Variants in SPAG16 observed in about 807,000 individuals in gnomAD.
The protein encoded by SPAG16 is sperm associated antigen 16.
In SPAG16, 86 loss-of-function variants were observed where a neutral mutation model predicts 80.4. That is an observed-to-expected ratio of 1.07 (90% CI 0.90 to 1.28). The LOEUF (loss-of-function observed/expected upper bound fraction) is 1.28. Among genes scored for constraint, SPAG16 ranks in the 50% most tolerant of loss-of-function variants. The pLI, the probability that SPAG16 is intolerant of heterozygous loss-of-function variation, is 0.00. For synonymous variants in SPAG16, 294 were observed against 265.9 expected, an observed-to-expected ratio of 1.11 and a Z score of -1.03; for missense variants, 870 against 765.3, an observed-to-expected ratio of 1.14 and a Z score of -1.61.
At chr2:214,029,539 T>C (rs949865439) in intron 13 of SPAG16, among the ~76,000 whole-genome samples, 8 of 152,044 alleles carry the variant, frequency 5.3e-5, no homozygotes, top group Non-Finnish European at 1.2e-4. Flanking sequence ...CTGATCCATC[T>C]ATGCAAAAGA....
At chr2:214,208,898 A>G (rs561497451) in intron 15 of SPAG16, among the ~76,000 whole-genome samples, 6 of 152,174 alleles carry the variant, frequency 3.9e-5, no homozygotes, top group Non-Finnish European at 8.8e-5. Context: ...AAATAATTAC[A>G]TCATTGCATG....
chr2:213,420,501 T>G (rs1189429987), intron 9 of SPAG16, among the ~76,000 whole-genome samples: 2 of 152,362 alleles, frequency 1.3e-5, no homozygotes, highest in South Asian at 2.1e-4. Flanking sequence ...ATACACACTT[T>G]CACTCTGAAA....
chr2:213,952,481 G>A (rs2079841046), intron 12 of SPAG16, among the ~76,000 whole-genome samples: 1 of 152,080 alleles, frequency 6.6e-6, no homozygotes, highest in South Asian at 2.1e-4. Context: ...TGCTGAAAAT[G>A]TACATGCTAA....
intron 9 of SPAG16, among the ~76,000 whole-genome samples, chr2:213,389,079 A>G (rs1307288261): frequency 1.3e-5 from 2 of 152,196 alleles, no homozygotes. Context: ...CATATAGACC[A>G]ATGGAATAGA....
intron 15 of SPAG16, among the ~76,000 whole-genome samples, chr2:214,300,997 C>A (rs1054542919): frequency 6.8e-6 from 1 of 147,810 alleles, no homozygotes; most frequent in Non-Finnish European, 1.5e-5. Flanking sequence ...AACACAGATG[C>A]GAAAATTCTC....
chr2:213,723,016 A>G (rs551085598), intron 10 of SPAG16, among the ~76,000 whole-genome samples: 2 of 152,256 alleles, frequency 1.3e-5, no homozygotes, highest in East Asian at 1.9e-4. Context: ...AAGTTTCCAC[A>G]TGAATTTTGA....
chr2:214,249,541 T>A (rs978162205), intron 15 of SPAG16, among the ~76,000 whole-genome samples: 4 of 152,098 alleles, frequency 2.6e-5, no homozygotes, highest in African/African-American at 9.7e-5. Context: ...ACAAATTCAT[T>A]TAACTAGTAA....
At chr2:213,838,453 G>A (rs1013041449) in intron 10 of SPAG16, among the ~76,000 whole-genome samples, 2 of 152,160 alleles carry the variant, frequency 1.3e-5, no homozygotes, top group Non-Finnish European at 2.9e-5. Context: ...GATTACAGGC[G>A]TGAGCCACTG....
At chr2:213,889,036 C>T (rs934152909) in intron 11 of SPAG16, among the ~76,000 whole-genome samples, 3 of 151,676 alleles carry the variant, frequency 2.0e-5, no homozygotes, top group African/African-American at 4.8e-5. Context: ...ATTAAAAAAC[C>T]TTTAAGGGAT....
intron 9 of SPAG16, among the ~76,000 whole-genome samples, chr2:213,433,720 T>C (rs2070441774): frequency 6.6e-6 from 1 of 152,072 alleles, no homozygotes; most frequent in Non-Finnish European, 1.5e-5. Flanking sequence ...AATACCAATG[T>C]CATTATAAAG....
At chr2:213,758,559 A>T (rs2068471248) in intron 10 of SPAG16, among the ~76,000 whole-genome samples, 1 of 152,142 alleles carries the variant, frequency 6.6e-6, no homozygotes, top group African/African-American at 2.4e-5. Context: ...TTAAATAAAA[A>T]ATTTACTAGA....
chr2:213,959,069 G>C (rs2044288228), intron 12 of SPAG16, among the ~76,000 whole-genome samples: 1 of 152,142 alleles, frequency 6.6e-6, no homozygotes, highest in Admixed American at 6.6e-5. Context: ...TTAGCTCTTT[G>C]AATATTTTGC....
intron 9 of SPAG16, among the ~76,000 whole-genome samples, chr2:213,414,084 T>A (rs547584808): frequency 6.6e-6 from 1 of 152,318 alleles, no homozygotes; most frequent in African/African-American, 2.4e-5. Flanking sequence ...ACAGGATTTT[T>A]ATGTTTAATA....
chr2:213,870,871 G>A (rs2075917952), intron 11 of SPAG16, among the ~76,000 whole-genome samples: 1 of 152,114 alleles, frequency 6.6e-6, no homozygotes. Context: ...TTAAGGGCAA[G>A]GTCTAGATCT....
intron 13 of SPAG16, among the ~76,000 whole-genome samples, chr2:214,016,522 A>T (rs2047600407): frequency 1.3e-5 from 2 of 152,312 alleles, no homozygotes; most frequent in Admixed American, 1.3e-4. Flanking sequence ...AGTAAACAAC[A>T]TGTAGGGACT....
intron 15 of SPAG16, among the ~76,000 whole-genome samples, chr2:214,172,503 A>T (rs536859255): frequency 2.2e-4 from 33 of 152,234 alleles, no homozygotes; most frequent in African/African-American, 5.8e-4. Flanking sequence ...TCTATCATTG[A>T]CGGACATTTG....
intron 10 of SPAG16, among the ~76,000 whole-genome samples, chr2:213,547,745 A>G (rs1054603986): frequency 6.6e-6 from 1 of 152,192 alleles, no homozygotes; most frequent in Non-Finnish European, 1.5e-5. Flanking sequence ...GTAACCATTT[A>G]ATATATTTTT....
rs1200586387 is a variant in SPAG16, at chr2:213,976,123, T to C, written c.1401-37828T>C. 4.0e-5 allele frequency among the ~76,000 whole-genome samples: 4 copies of C among 100,866 alleles called. 1 individual carries two copies. Among genetic ancestry groups the C allele is most frequent in the Admixed American group, 2.1e-4 (2 of 9,716 alleles). The allele number at this position is 100,866 out of a possible 152,430, so 66.2% of individuals were successfully genotyped here. On this transcript the variant is annotated intron_variant, in intron 12 of 15. Coordinates refer to ENST00000331683, the MANE Select transcript of SPAG16 (RefSeq NM_024532.5). ...ACAGTGAGGGAGATATATATATATATATATATATATATACACACACACACA... is the reference window on the plus strand; with the variant it reads ...ACAGTGAGGGAGATATATATATATACATATATATATATACACACACACACA...
chr2:213,468,536 T>G lies in SPAG16; in HGVS notation c.943-21427T>G, dbSNP rs1336320497. Among the ~76,000 whole-genome samples the G allele has an allele frequency of 7.6e-4, 103 of 134,650 alleles. 1 individual carries two copies. The highest frequency in any genetic ancestry group is 3.5e-3 in the East Asian group (17 of 4,900). The allele number at this position is 134,650 out of a possible 152,430, so 88.3% of individuals were successfully genotyped here. ...ATATATCTATGTATTTATATATAGATATATATATATGTATTTATATATAGA... is the reference window on the plus strand; with the variant it reads ...ATATATCTATGTATTTATATATAGAGATATATATATGTATTTATATATAGA... On this transcript the variant is annotated intron_variant, in intron 9 of 15. Coordinates refer to ENST00000331683, the MANE Select transcript of SPAG16 (RefSeq NM_024532.5).
Sources: allele counts gnomAD v4.1 joint callset (sites outside exome capture counted in the v4.1 genomes callset), GRCh38; gene constraint gnomAD v4.1.1; transcripts MANE v1.5; gene names NCBI Gene and HGNC (gene_info 2026-07-23, HGNC 2026-07-21).